Variants in CSGALNACT1 observed in about 807,000 individuals in gnomAD.
The protein encoded by CSGALNACT1 is chondroitin sulfate N-acetylgalactosaminyltransferase 1, also known as beta4GalNAcT-1.
Under a neutral mutation model 51.0 loss-of-function variants are expected in CSGALNACT1, and 52 were observed. The observed-to-expected ratio is 1.02, with a 90% CI of 0.82 to 1.29. The LOEUF (loss-of-function observed/expected upper bound fraction) is 1.29. Among genes scored for constraint, CSGALNACT1 ranks in the 50% most tolerant of loss-of-function variants. The pLI is 0.00. For missense variants in CSGALNACT1, 935 were observed against 679.2 expected, an observed-to-expected ratio of 1.38 and a Z score of -4.19; for synonymous variants, 341 against 254.4, an observed-to-expected ratio of 1.34 and a Z score of -3.24.
chr8:19,739,637 A>AG (rs1195751129), intron 1 of CSGALNACT1, among the ~76,000 whole-genome samples: 3 of 152,348 alleles, frequency 2.0e-5, no homozygotes, highest in African/African-American at 7.2e-5. Flanking sequence ...CTTAAATAGG[A>AG]GGGGGCAGAC....
At chr8:19,696,173 C>T (rs1564439978) in intron 1 of CSGALNACT1, among the ~76,000 whole-genome samples, 1 of 152,198 alleles carries the variant, frequency 6.6e-6, no homozygotes, top group Non-Finnish European at 1.5e-5. Flanking sequence ...AGACATCCAG[C>T]AGTCTAGGTT....
chr8:19,674,979 G>C (rs942467042), intron 1 of CSGALNACT1, among the ~76,000 whole-genome samples: 2 of 152,170 alleles, frequency 1.3e-5, no homozygotes, highest in East Asian at 3.9e-4. Context: ...AGGAGGTCAA[G>C]AATCCATCTT....
At chr8:19,477,263 T>C (rs777489718) in intron 4 of CSGALNACT1, among the ~76,000 whole-genome samples, 4 of 152,186 alleles carry the variant, frequency 2.6e-5, no homozygotes, top group African/African-American at 4.8e-5. Flanking sequence ...AGGCTCCCCA[T>C]AGAGCTGGGC....
At chr8:19,635,254 A>C (rs185786934) in intron 1 of CSGALNACT1, among the ~76,000 whole-genome samples, 1 of 152,036 alleles carries the variant, frequency 6.6e-6, no homozygotes, top group East Asian at 1.9e-4. Flanking sequence ...ACCTGTCTGA[A>C]CTCCTTGGCG....
At chr8:19,409,482 T>C (rs1163390460) in intron 8 of CSGALNACT1, among the ~76,000 whole-genome samples, 1 of 125,478 alleles carries the variant, frequency 8.0e-6, no homozygotes, top group East Asian at 2.6e-4. Context: ...AAACTGCATG[T>C]GTACATATAT....
chr8:19,635,738 T>C (rs2055958593), intron 1 of CSGALNACT1, among the ~76,000 whole-genome samples: 1 of 152,178 alleles, frequency 6.6e-6, no homozygotes, highest in African/African-American at 2.4e-5. Flanking sequence ...CTTTTCGTTT[T>C]GTTTTTTGAG....
At chr8:19,487,966 C>A (rs1470597552) in intron 4 of CSGALNACT1, among the ~76,000 whole-genome samples, 1 of 151,720 alleles carries the variant, frequency 6.6e-6, no homozygotes, top group Non-Finnish European at 1.5e-5. Flanking sequence ...ATATAATACA[C>A]CTCCCAAGAG....
chr8:19,422,526 C>A lies in CSGALNACT1; in HGVS notation c.954-2008G>T, dbSNP rs554065248. Among the ~76,000 whole-genome samples, 4 of 152,364 alleles carry A rather than the reference C, an allele frequency of 2.6e-5. No homozygotes were observed. In the East Asian group the frequency reaches 5.8e-4, roughly 22 times the overall value. ...TGATCCTGCATTCACTTCAGCACCA[C>A]TCTACATTTGCAGGGATTCTCTTCC... On this transcript the variant is annotated intron_variant, in intron 6 of 9. Coordinates refer to ENST00000454498, the Ensembl canonical transcript of CSGALNACT1.
chr8:19,560,157 G>T lies in CSGALNACT1; in HGVS notation c.-297+31003C>A, dbSNP rs147225026. Reference sequence around the variant, plus strand: ...GACCTTGGGGGACTGAACAAAGAGGGTGAAGTGGTTTCACTAAATGGAACT... The same window carrying T: ...GACCTTGGGGGACTGAACAAAGAGGTTGAAGTGGTTTCACTAAATGGAACT... On this transcript the variant is annotated intron_variant, in intron 3 of 9. Transcript: ENST00000454498. Among the ~76,000 whole-genome samples, 959 of 152,286 alleles carry T rather than the reference G, an allele frequency of 6.3e-3. 18 individuals carry two copies. The highest frequency in any genetic ancestry group is 0.022 in the African/African-American group (913 of 41,544).
intron 5 of CSGALNACT1, among the ~76,000 whole-genome samples, chr8:19,442,814 G>A (rs1019001026): frequency 6.6e-6 from 1 of 151,944 alleles, no homozygotes. Context: ...TTTCTTATGT[G>A]GGCCAAACAC....
intron 3 of CSGALNACT1, among the ~76,000 whole-genome samples, chr8:19,508,753 T>A (rs78821751): frequency 6.6e-6 from 1 of 152,200 alleles, no homozygotes; most frequent in African/African-American, 2.4e-5. Context: ...GAAACTTAAA[T>A]TATGCTGTTT....
chr8:19,686,528 C>T (rs2060987130), upstream of CSGALNACT1, among the ~76,000 whole-genome samples: 1 of 152,144 alleles, frequency 6.6e-6, no homozygotes, highest in Admixed American at 6.5e-5. Context: ...TTTGTCTGTG[C>T]CTAGGCAGAG....
chr8:19,470,099 T>C (rs534696250), intron 4 of CSGALNACT1, among the ~76,000 whole-genome samples: 6 of 152,262 alleles, frequency 3.9e-5, no homozygotes, highest in Middle Eastern at 3.4e-3. Flanking sequence ...ATAATACAGA[T>C]GCAGGGACGG....
intron 3 of CSGALNACT1, among the ~76,000 whole-genome samples, chr8:19,529,602 G>C (rs1036340509): frequency 6.6e-6 from 1 of 152,226 alleles, no homozygotes. Flanking sequence ...CAAAATAGCA[G>C]TGAATGAAAA....
chr8:19,427,389 T>C (rs1159877277), intron 6 of CSGALNACT1, among the ~76,000 whole-genome samples: 1 of 152,194 alleles, frequency 6.6e-6, no homozygotes, highest in African/African-American at 2.4e-5. Flanking sequence ...AATCGAGAAA[T>C]CAAAGCCAGC....
intron 6 of CSGALNACT1, among the ~76,000 whole-genome samples, chr8:19,437,844 C>T (rs1039487699): frequency 6.6e-6 from 1 of 152,106 alleles, no homozygotes; most frequent in Non-Finnish European, 1.5e-5. Flanking sequence ...TTGAGGCAAA[C>T]CATCTCTACC....
At chr8:19,732,334 A>T (rs2084532633) in intron 1 of CSGALNACT1, 1 of 152,182 alleles carries the variant, frequency 6.6e-6, no homozygotes, top group African/African-American at 2.4e-5. Context: ...ACATCCAATT[A>T]AAATCAATCA....
chr8:19,707,041 G>A (rs1192006848), intron 1 of CSGALNACT1, among the ~76,000 whole-genome samples: 3 of 152,066 alleles, frequency 2.0e-5, no homozygotes, highest in African/African-American at 7.2e-5. Context: ...GAGAGGCCGG[G>A]AAGCTCTTAC....
At chr8:19,553,126 A>C (rs1173631273) in intron 3 of CSGALNACT1, among the ~76,000 whole-genome samples, 1 of 152,188 alleles carries the variant, frequency 6.6e-6, no homozygotes, top group African/African-American at 2.4e-5. Flanking sequence ...TCAATTCCAG[A>C]CAGACAGAAG....
Sources: allele counts gnomAD v4.1 joint callset (sites outside exome capture counted in the v4.1 genomes callset), GRCh38; gene constraint gnomAD v4.1.1; transcripts MANE v1.5; gene names NCBI Gene and HGNC (gene_info 2026-07-23, HGNC 2026-07-21).